ALDH1L2: variants seen among roughly 807,000 people sequenced by gnomAD.
ALDH1L2 encodes mitochondrial 10-formyltetrahydrofolate dehydrogenase.
Under a neutral mutation model 111.0 loss-of-function variants are expected in ALDH1L2, and 91 were observed. The ratio of observed to expected loss-of-function variants is 0.82; its 90% CI spans 0.69 to 0.98. ALDH1L2 has a LOEUF of 0.98. Among genes scored for constraint, ALDH1L2 ranks in the 50% least tolerant of loss-of-function variants. The pLI is 0.00. For missense variants in ALDH1L2, 995 were observed against 1,126.8 expected (o/e 0.88, Z 1.67); for synonymous variants, 374 against 392.6 (o/e 0.95, Z 0.56).
chr12:105,069,870 C>A (rs1196840636), intron 3 of ALDH1L2, among the ~76,000 whole-genome samples: 1 of 152,104 alleles, frequency 6.6e-6, no homozygotes, highest in Non-Finnish European at 1.5e-5. Flanking sequence ...AATAGCAATA[C>A]AAATGTTGTG....
intron 15 of ALDH1L2, among the ~76,000 whole-genome samples, chr12:105,044,637 C>A (rs1440951823): frequency 4.2e-5 from 4 of 95,438 alleles, no homozygotes; most frequent in Non-Finnish European, 9.4e-5. Context: ...GCTAATATGA[C>A]CCCCATGGAT....
At chr12:105,039,829 G>A (rs4964318) in intron 16 of ALDH1L2, 23 bp from the exon 17 acceptor site, 864,024 of 1,608,000 alleles carry the variant, frequency 0.54, 237,112 homozygotes, top group East Asian at 0.78. Flanking sequence ...GGAATAAAAC[G>A]GGAATTAAAA....
chr12:105,081,106 T>C (rs1481518482), intron 1 of ALDH1L2, among the ~76,000 whole-genome samples: 1 of 152,234 alleles, frequency 6.6e-6, no homozygotes, highest in Non-Finnish European at 1.5e-5. Flanking sequence ...GCACAGGTTA[T>C]ATACAAATAT....
intron 12 of ALDH1L2, among the ~76,000 whole-genome samples, chr12:105,051,220 CTGGTGAATG>C (rs1172694767): frequency 2.0e-5 from 3 of 152,234 alleles, no homozygotes; most frequent in Non-Finnish European, 4.4e-5. Flanking sequence ...GACCTTGACC[CTGGTGAATG>C]ACCTTTATAG....
chr12:105,075,471 G>A (rs1205638979), intron 1 of ALDH1L2, among the ~76,000 whole-genome samples: 1 of 152,184 alleles, frequency 6.6e-6, no homozygotes, highest in African/African-American at 2.4e-5. Flanking sequence ...TGTAATCCCA[G>A]CTACTCGGGA....
chr12:105,029,181 C>G (rs1186773641), intron 21 of ALDH1L2, among the ~76,000 whole-genome samples: 1 of 151,766 alleles, frequency 6.6e-6, no homozygotes, highest in Non-Finnish European at 1.5e-5. Flanking sequence ...GCACATGCCA[C>G]CATGCCCAGC....
chr12:105,063,472 T>A (rs867891929), intron 6 of ALDH1L2, among the ~76,000 whole-genome samples: 23 of 126,194 alleles, frequency 1.8e-4, no homozygotes, highest in South Asian at 1.7e-3. Context: ...CCAGACTCTG[T>A]CTCAAAGAAA....
At chr12:105,061,342 C>A (rs968500074) in intron 8 of ALDH1L2, among the ~76,000 whole-genome samples, 1 of 152,152 alleles carries the variant, frequency 6.6e-6, no homozygotes, top group South Asian at 2.1e-4. Context: ...GGAATAGAGA[C>A]GCCCCCCAGG....
At chr12:105,031,399 C>T (rs1434650984) in intron 20 of ALDH1L2, among the ~76,000 whole-genome samples, 1 of 152,158 alleles carries the variant, frequency 6.6e-6, no homozygotes, top group African/African-American at 2.4e-5. Context: ...GGCAGGAACA[C>T]TTCATAGGTG....
intron 17 of ALDH1L2, 121 bp from the exon 18 acceptor site, chr12:105,038,323 C>G (rs1014300805): frequency 1.7e-6 from 1 of 577,340 alleles, no homozygotes; most frequent in Non-Finnish European, 2.9e-6. Context: ...CACACACACA[C>G]TTTTTAAGCT....
chr12:105,050,290 C>T (rs1044198117), intron 12 of ALDH1L2: 4 of 314,178 alleles, frequency 1.3e-5, no homozygotes, highest in African/African-American at 2.2e-5. Flanking sequence ...GCATATATAA[C>T]TTGCCTCATC....
intron 8 of ALDH1L2, 141 bp downstream of exon 8, chr12:105,061,486 A>G: frequency 8.1e-7 from 1 of 1,232,534 alleles, no homozygotes; most frequent in Non-Finnish European, 1.1e-6. Flanking sequence ...ATGAATTTGG[A>G]GGTTGATTTC....
At chr12:105,057,573 G>A (rs1876710643) in intron 10 of ALDH1L2, among the ~76,000 whole-genome samples, 1 of 151,948 alleles carries the variant, frequency 6.6e-6, no homozygotes, top group South Asian at 2.1e-4. Flanking sequence ...ATATTACTTG[G>A]CCAAAAAAAG....
intron 1 of ALDH1L2, among the ~76,000 whole-genome samples, chr12:105,080,960 A>G (rs539358485): frequency 1.4e-4 from 21 of 152,228 alleles, no homozygotes; most frequent in Non-Finnish European, 1.8e-4. Context: ...AAAAAATTGC[A>G]TCTGTACTAG....
chr12:105,057,599 A>G (rs1037950913), intron 10 of ALDH1L2, among the ~76,000 whole-genome samples: 6 of 152,228 alleles, frequency 3.9e-5, no homozygotes, highest in Non-Finnish European at 8.8e-5. Flanking sequence ...AAATGATGAT[A>G]CAACATGGAT....
At chr12:105,049,445 T>G (rs973417862) in intron 13 of ALDH1L2, among the ~76,000 whole-genome samples, 17 of 152,322 alleles carry the variant, frequency 1.1e-4, no homozygotes, top group African/African-American at 4.1e-4. Context: ...CTAAAATGCA[T>G]GTGCTGGAAA....
chr12:105,032,127 A>G (rs1471940814), intron 19 of ALDH1L2, among the ~76,000 whole-genome samples, 193 bp from the exon 20 acceptor site: 1 of 143,916 alleles, frequency 6.9e-6, no homozygotes, highest in African/African-American at 2.6e-5. Flanking sequence ...TCTGTCGTCC[A>G]TGCTGGATCA....
chr12:105,038,155 T>C lies in ALDH1L2; in HGVS notation c.2093A>G (p.Lys698Arg), dbSNP rs1169292119. 1 of 1,613,674 alleles carries C rather than the reference T, an allele frequency of 6.2e-7. No individual in the cohort carries two copies. Among genetic ancestry groups the C allele is most frequent in the Non-Finnish European group, 8.5e-7 (1 of 1,179,818 alleles). ...LKKVSLELGGKSPLIIFNDCE... is the reference protein window; with the variant it reads ...LKKVSLELGGRSPLIIFNDCE... ...GTCATTAAATATTATAAGTGGAGACTTGCCACCAAGCTCAAGGGAAACTTT... is the reference window on the plus strand; with the variant it reads ...GTCATTAAATATTATAAGTGGAGACCTGCCACCAAGCTCAAGGGAAACTTT... Residue 698 changes from lysine to arginine, a missense_variant, in exon 18 of 23, where the codon AAG (lysine) becomes AGG (arginine). By Grantham distance (26) the Lys-to-Arg change is conservative. Transcript: ENST00000258494.
rs188536681 is a variant in ALDH1L2 at position 105,026,565 on chromosome 12, G to A, written c.2696C>T (p.Ser899Phe). 4 of 1,614,098 alleles carry A rather than the reference G, an allele frequency of 2.5e-6. No homozygotes were observed. In the South Asian group the frequency reaches 3.3e-5, roughly 13 times the overall value. ...VAAPFGGVKQ[S>F]GFGKDLGEEA... ...CATACCTAAGTCTTTTCCAAAGCCA[G>A]ATTGTTTAACTCCGCCAAATGGGGC... Residue 899 changes from serine (S) to phenylalanine (F), a missense_variant, in exon 22 of 23, where the codon TCT becomes TTT. By Grantham distance (155) the Ser-to-Phe change is radical (BLOSUM62 -2). Transcript: ENST00000258494.
Sources: gnomAD v4.1 joint callset for allele counts (sites outside exome capture counted in the v4.1 genomes callset) on GRCh38, gnomAD v4.1.1 for gene constraint, MANE v1.5 for transcripts, NCBI Gene and HGNC (gene_info 2026-07-23, HGNC 2026-07-21) for gene names.